Variants in ABCA8 observed in about 807,000 individuals in gnomAD.
The protein encoded by ABCA8 is ABC-type organic anion transporter ABCA8.
ABCA8 carries 177 observed loss-of-function variants against 192.3 expected under a neutral mutation model. The observed-to-expected ratio is 0.92, with a 90% CI of 0.81 to 1.04. The LOEUF is 1.04. Ranked by LOEUF, ABCA8 falls within the 50% of genes least tolerant of loss-of-function variation. The pLI, the probability that ABCA8 is intolerant of heterozygous loss-of-function variation, is 0.00. For synonymous variants in ABCA8, 642 were observed against 690.2 expected (o/e 0.93, Z 1.09); for missense variants, 1,915 against 1,904.8 (o/e 1.01, Z -0.10).
At chr17:68,954,810 T>C (rs1301059351) in intron 1 of ABCA8, among the ~76,000 whole-genome samples, 1 of 152,160 alleles carries the variant, frequency 6.6e-6, no homozygotes, top group East Asian at 1.9e-4. Context: ...AGAACACTTA[T>C]CCAAAATGCC....
In ABCA8 at chr17:68,875,624, C is replaced by G. The variant is rs373437312; in HGVS notation, c.4480G>C (p.Gly1494Arg). The part of the protein sequence containing the change: ...VCDRVAIMVS[G>R]RLRCIGSIQH... Reference sequence around the variant, plus strand: ...AGGACAGGCACTCACCTCAACCTCCCAGATACCATGATGGCCACTCGGTCA... The same window carrying G: ...AGGACAGGCACTCACCTCAACCTCCGAGATACCATGATGGCCACTCGGTCA... The change falls in exon 36 of 40, where the codon GGG (glycine) becomes CGG (arginine). Residue 1494 changes from glycine to arginine, a missense_variant. Coordinates refer to ENST00000586539, the MANE Select transcript of ABCA8 (RefSeq NM_001288985.2). The G allele has an allele frequency of 3.7e-6, 6 of 1,613,998 alleles. No homozygotes were observed. Among genetic ancestry groups the G allele is most frequent in the Non-Finnish European group, 5.1e-6 (6 of 1,180,008 alleles).
intron 36 of ABCA8, 76 bp downstream of exon 36, chr17:68,875,538 G>T: frequency 1.3e-6 from 2 of 1,592,768 alleles, no homozygotes; most frequent in Non-Finnish European, 8.6e-7. Flanking sequence ...TGTTTTCAGT[G>T]ATCTCTCCCT....
chr17:68,898,307 C>T (rs1334463570), intron 21 of ABCA8, among the ~76,000 whole-genome samples: 1 of 152,142 alleles, frequency 6.6e-6, no homozygotes, highest in Non-Finnish European at 1.5e-5. Context: ...GACTTCACCA[C>T]TACACAATAT....
intron 32 of ABCA8, chr17:68,880,252 A>G (rs1238957751): frequency 6.6e-6 from 1 of 152,124 alleles, no homozygotes; most frequent in Non-Finnish European, 1.5e-5. Flanking sequence ...TCTCCTCTCC[A>G]TTAGGGGCTG....
At chr17:68,930,760 C>T (rs886129285) in intron 7 of ABCA8, among the ~76,000 whole-genome samples, 3 of 152,148 alleles carry the variant, frequency 2.0e-5, no homozygotes, top group African/African-American at 7.2e-5. Context: ...CTACGTTTCC[C>T]TCCAGTATTA....
intron 4 of ABCA8, among the ~76,000 whole-genome samples, chr17:68,938,686 T>C (rs746128328): frequency 2.6e-5 from 4 of 152,130 alleles, no homozygotes; most frequent in Non-Finnish European, 5.9e-5. Flanking sequence ...AAATTATAAC[T>C]CAACTCATAA....
rs984579491 is a variant in ABCA8 at position 68,902,778 on chromosome 17, T to C, written c.2699A>G (p.Tyr900Cys). The C allele has an allele frequency of 2.0e-5, 32 of 1,613,698 alleles. No individual in the cohort carries two copies. Among genetic ancestry groups the C allele is most frequent in the Non-Finnish European group, 2.6e-5 (31 of 1,179,796 alleles). ...SYTWELSPHL[Y>C]FLAPGQQPHD... ...TGGTTGTTGTCCAGGAGCAAGGAAA[T>C]ACAAATGAGGAGAAAGTTCCCAGGT... Residue 900 changes from tyrosine to cysteine, a missense_variant, in exon 21 of 40, where the codon TAT becomes TGT. Coordinates refer to ENST00000586539, the MANE Select transcript of ABCA8 (RefSeq NM_001288985.2).
At chr17:68,886,439 AAATCTTACTC>A in intron 26 of ABCA8, among the ~76,000 whole-genome samples, 1 of 152,278 alleles carries the variant, frequency 6.6e-6, no homozygotes, top group South Asian at 2.1e-4. Context: ...CTCTTGGCTG[AAATCTTACTC>A]TTTTTCAGAT....
At chr17:68,912,938 G>T (rs28870766) in intron 17 of ABCA8, among the ~76,000 whole-genome samples, 3,069 of 152,214 alleles carry the variant, frequency 0.02, 83 homozygotes, top group South Asian at 0.056. Context: ...TGCAATGGCT[G>T]CAGAATACAC....
At chr17:68,904,782 A>T (rs1398117793) in intron 19 of ABCA8, among the ~76,000 whole-genome samples, 1 of 152,198 alleles carries the variant, frequency 6.6e-6, no homozygotes, top group Non-Finnish European at 1.5e-5. Flanking sequence ...AAGAAGCTGC[A>T]TAGTGTCTTG....
At chr17:68,935,097 T>C (rs2068019477) in intron 5 of ABCA8, among the ~76,000 whole-genome samples, 1 of 151,014 alleles carries the variant, frequency 6.6e-6, no homozygotes. Flanking sequence ...TTTTTTTTTT[T>C]TTTTAGAGAT....
chr17:68,926,333 C>T (rs1196058660), intron 10 of ABCA8, among the ~76,000 whole-genome samples: 3 of 151,694 alleles, frequency 2.0e-5, no homozygotes, highest in African/African-American at 7.3e-5. Flanking sequence ...AATAATACAA[C>T]CAGGATGTTT....
At chr17:68,887,535 T>C (rs765949331) in intron 24 of ABCA8, 29 bp from the exon 25 acceptor site, 1 of 1,561,160 alleles carries the variant, frequency 6.4e-7, no homozygotes, top group Non-Finnish European at 8.7e-7. Context: ...AGATACAAAG[T>C]TTGTGGCTTA....
chr17:68,890,909 C>A (rs139621759), intron 24 of ABCA8, among the ~76,000 whole-genome samples: 51 of 152,288 alleles, frequency 3.3e-4, no homozygotes, highest in African/African-American at 1.1e-3. Flanking sequence ...GCATATGCTT[C>A]TTCTTCCCCA....
intron 7 of ABCA8, among the ~76,000 whole-genome samples, chr17:68,929,987 T>TGG (rs71144639): frequency 1.7e-4 from 8 of 47,474 alleles, no homozygotes; most frequent in Non-Finnish European, 3.1e-4. Context: ...GTGGGGGCGG[T>TGG]GGGGGGGGAA....
intron 37 of ABCA8, among the ~76,000 whole-genome samples, chr17:68,870,917 C>T (rs1435968382): frequency 6.6e-6 from 1 of 152,042 alleles, no homozygotes; most frequent in African/African-American, 2.4e-5. Context: ...GAGAATCTAC[C>T]ATATTGCTTT....
intron 24 of ABCA8, 87 bp downstream of exon 24, chr17:68,891,402 T>G: frequency 1.1e-6 from 1 of 873,900 alleles, no homozygotes; most frequent in East Asian, 2.7e-5. Flanking sequence ...CAATTAAGCA[T>G]GTAGAAATAT....
chr17:68,946,669 T>G (rs2068418389), intron 2 of ABCA8, among the ~76,000 whole-genome samples: 2 of 152,172 alleles, frequency 1.3e-5, no homozygotes, highest in South Asian at 4.1e-4. Flanking sequence ...CCGGGCATGG[T>G]GGCTCATGCC....
Position 68,922,194 on chromosome 17 carries a change from C to CTTTTTTTTTTTTTTTT in ABCA8, c.1501+32_1501+47dup, listed in dbSNP as rs201226205. On this transcript the variant is annotated intron_variant, in intron 12 of 39. Transcript: ENST00000586539. The stretch of plus-strand genomic sequence containing the variant: ...TAACAAATATTTTCTTTCTCTCTCT[C>CTTTTTTTTTTTTTTTT]TTTTTTTTTTTTTTTTTTTTTTTTT... The CTTTTTTTTTTTTTTTT allele has an allele frequency of 7.2e-5, 38 of 527,428 alleles. 1 individual carries two copies. The highest frequency in any genetic ancestry group is 2.7e-4 in the Admixed American group (3 of 11,304). 32.7% of individuals were successfully genotyped at this position (527,428 alleles called of 1,614,324 possible). A position where few individuals can be genotyped will look rare whatever the true frequency, so the allele number is the denominator to read the frequency against.
Sources: gnomAD v4.1 joint callset for allele counts (sites outside exome capture counted in the v4.1 genomes callset) on GRCh38, gnomAD v4.1.1 for gene constraint, MANE v1.5 for transcripts, NCBI Gene and HGNC (gene_info 2026-07-23, HGNC 2026-07-21) for gene names.